MIPOL1: variants seen among roughly 807,000 people sequenced by gnomAD.
MIPOL1 encodes the protein mirror-image polydactyly 1.
MIPOL1 carries 57 observed loss-of-function variants against 60.9 expected under a neutral mutation model. The ratio of observed to expected loss-of-function variants is 0.94; its 90% CI spans 0.76 to 1.17. The LOEUF (loss-of-function observed/expected upper bound fraction) is 1.17, where lower values mean the gene tolerates loss of function less well. Ranked by LOEUF, MIPOL1 falls within the 50% of genes most tolerant of loss-of-function variation. The pLI is 0.00. For synonymous variants in MIPOL1, 179 were observed against 168.8 expected (o/e 1.06, Z -0.47); for missense variants, 551 against 511.6 (o/e 1.08, Z -0.74).
At chr14:37,216,647 A>G (rs1034041715) in intron 1 of MIPOL1, among the ~76,000 whole-genome samples, 4 of 152,236 alleles carry the variant, frequency 2.6e-5, no homozygotes, top group African/African-American at 9.6e-5. Flanking sequence ...GAAACTGGAC[A>G]AATACTTGGA....
chr14:37,370,819 T>A (rs958474436), intron 10 of MIPOL1, among the ~76,000 whole-genome samples: 14 of 152,164 alleles, frequency 9.2e-5, no homozygotes, highest in African/African-American at 3.1e-4. Context: ...CCCCAAGGAA[T>A]TTACTATTTT....
Position 37,226,858 on chromosome 14 carries a change from T to G in MIPOL1, c.-198-20245T>G, listed in dbSNP as rs183707963. The stretch of plus-strand genomic sequence containing the variant: ...AGCTAACATGCTGGCTTAGGACTCC[T>G]TTCTGGGTAGTGTGAGAAATACTCC... On this transcript the variant is annotated intron_variant, in intron 1 of 12. Coordinates refer to ENST00000684589, the MANE Select transcript of MIPOL1 (RefSeq NM_001388067.1). 3.0e-3 allele frequency among the ~76,000 whole-genome samples: 458 copies of G among 152,326 alleles called. 3 individuals carry two copies. The highest frequency in any genetic ancestry group is 0.01 in the African/African-American group (434 of 41,576).
chr14:37,481,338 C>A (rs1165757510), intron 11 of MIPOL1, among the ~76,000 whole-genome samples: 3 of 151,836 alleles, frequency 2.0e-5, no homozygotes, highest in Non-Finnish European at 4.4e-5. Flanking sequence ...AAGACCTGCA[C>A]AATGAAAACT....
downstream of MIPOL1, chr14:37,552,265 C>G (rs1451370149): frequency 2.6e-5 from 4 of 152,092 alleles, no homozygotes; most frequent in Non-Finnish European, 5.9e-5. Flanking sequence ...TTTACTTCTA[C>G]ATATGCACAT....
At chr14:37,374,411 G>T (rs2092720187) in intron 10 of MIPOL1, among the ~76,000 whole-genome samples, 1 of 152,076 alleles carries the variant, frequency 6.6e-6, no homozygotes, top group Non-Finnish European at 1.5e-5. Context: ...TGTCTATTTT[G>T]ACTTTTGTTG....
intron 12 of MIPOL1, among the ~76,000 whole-genome samples, chr14:37,526,923 C>T (rs765788289): frequency 1.6e-4 from 25 of 152,076 alleles, no homozygotes; most frequent in Non-Finnish European, 3.1e-4. Context: ...TTTCTGTAAG[C>T]ATTCACTACT....
intron 10 of MIPOL1, among the ~76,000 whole-genome samples, chr14:37,419,437 A>G (rs2093829915): frequency 1.3e-5 from 2 of 152,202 alleles, no homozygotes; most frequent in Admixed American, 6.5e-5. Context: ...GTCAAAATTT[A>G]CAGAACTATA....
In MIPOL1 at chr14:37,533,840, T is replaced by A. The variant is rs117483522; in HGVS notation, c.1263-13065T>A. Among the ~76,000 whole-genome samples the A allele has an allele frequency of 2.2e-3, 329 of 152,270 alleles. 1 individual carries two copies. The highest frequency in any genetic ancestry group is 3.8e-3 in the Non-Finnish European group (261 of 68,010). ...CATTCAAGGCAACTTCATTCCTTTG[T>A]AAGCTTCTTTTTTCTTCTGACAAAT... On this transcript the variant is annotated intron_variant, in intron 12 of 12. Coordinates refer to ENST00000684589, the MANE Select transcript of MIPOL1 (RefSeq NM_001388067.1).
intron 1 of MIPOL1, among the ~76,000 whole-genome samples, chr14:37,222,936 A>C (rs1293523915): frequency 2.0e-5 from 3 of 152,208 alleles, no homozygotes; most frequent in Non-Finnish European, 4.4e-5. Context: ...CAAATACCAC[A>C]GGCTGGGTAA....
intron 3 of MIPOL1, among the ~76,000 whole-genome samples, chr14:37,265,878 A>T (rs1435975041): frequency 6.6e-6 from 1 of 152,142 alleles, no homozygotes; most frequent in Non-Finnish European, 1.5e-5. Context: ...CAAATTTCTG[A>T]TGAGCCTTTT....
intron 1 of MIPOL1, among the ~76,000 whole-genome samples, chr14:37,218,766 G>A (rs36057482): frequency 0.21 from 32,051 of 151,280 alleles, 3,820 homozygotes; most frequent in South Asian, 0.32. Flanking sequence ...AAGAGACTCC[G>A]TCTCTATAAA....
intron 10 of MIPOL1, among the ~76,000 whole-genome samples, chr14:37,396,665 A>G (rs1217344614): frequency 1.3e-5 from 2 of 151,876 alleles, no homozygotes. Context: ...GGCTTTGTTC[A>G]TATTTTCTTA....
At chr14:37,469,289 T>C (rs1020849659) in intron 11 of MIPOL1, among the ~76,000 whole-genome samples, 6 of 152,094 alleles carry the variant, frequency 3.9e-5, no homozygotes, top group Non-Finnish European at 7.4e-5. Flanking sequence ...GGGGAGCAGA[T>C]ATGTCACATA....
chr14:37,335,221 TTGTGGTTTTTAG>T (rs1830606640), intron 9 of MIPOL1, among the ~76,000 whole-genome samples: 1 of 152,108 alleles, frequency 6.6e-6, no homozygotes, highest in Non-Finnish European at 1.5e-5. Context: ...AGGTAGTATC[TTGTGGTTTTTAG>T]TTTTTTGTCT....
At chr14:37,357,225 A>G (rs549798639) in intron 9 of MIPOL1, among the ~76,000 whole-genome samples, 3 of 152,322 alleles carry the variant, frequency 2.0e-5, no homozygotes, top group African/African-American at 4.8e-5. Context: ...ATTCTCACCA[A>G]CAGATGGGCA....
At chr14:37,520,555 T>G (rs2095405680) in intron 12 of MIPOL1, among the ~76,000 whole-genome samples, 1 of 152,184 alleles carries the variant, frequency 6.6e-6, no homozygotes, top group Non-Finnish European at 1.5e-5. Context: ...GGGTTTAAAA[T>G]GATCAAAACC....
chr14:37,439,505 A>T (rs2094210251), intron 11 of MIPOL1, among the ~76,000 whole-genome samples: 1 of 152,224 alleles, frequency 6.6e-6, no homozygotes, highest in Non-Finnish European at 1.5e-5. Context: ...ACTTATACTC[A>T]AAAGAAATAC....
chr14:37,451,974 C>T (rs906847757), intron 11 of MIPOL1, among the ~76,000 whole-genome samples: 4 of 150,760 alleles, frequency 2.7e-5, no homozygotes, highest in Non-Finnish European at 4.4e-5. Context: ...GCCATCACGC[C>T]CGGCTAATTT....
intron 9 of MIPOL1, among the ~76,000 whole-genome samples, chr14:37,322,331 C>A (rs1955938): frequency 0.53 from 80,990 of 151,772 alleles, 24,262 homozygotes; most frequent in Non-Finnish European, 0.66. Context: ...TTTCCTCATG[C>A]CCTATCCAAT....
Sources: allele counts gnomAD v4.1 joint callset (sites outside exome capture counted in the v4.1 genomes callset), GRCh38; gene constraint gnomAD v4.1.1; transcripts MANE v1.5; gene names NCBI Gene and HGNC (gene_info 2026-07-23, HGNC 2026-07-21).